The following DNM3 variants were observed in gnomAD, a reference collection of about 807,000 sequenced individuals.
The protein encoded by DNM3 is dynamin-3.
A neutral mutation model predicts 101.6 loss-of-function variants in DNM3; 47 were observed. The observed-to-expected ratio is 0.46, with a 90% CI of 0.37 to 0.59. The LOEUF (loss-of-function observed/expected upper bound fraction) is 0.59. Among genes scored for constraint, DNM3 ranks in the 20% least tolerant of loss-of-function variants. The pLI is 0.00. For synonymous variants in DNM3, 385 were observed against 387.9 expected, an observed-to-expected ratio of 0.99 and a Z score of 0.09; for missense variants, 849 against 1,085.7, an observed-to-expected ratio of 0.78 and a Z score of 3.06.
intron 2 of DNM3, among the ~76,000 whole-genome samples, chr1:171,968,435 C>T (rs2043747536): frequency 6.6e-6 from 1 of 152,110 alleles, no homozygotes; most frequent in Non-Finnish European, 1.5e-5. Flanking sequence ...CAGAAATGGA[C>T]CAAGAAGGCA....
intron 15 of DNM3, among the ~76,000 whole-genome samples, chr1:172,286,068 T>TTTTA (rs1553222035): frequency 6.8e-6 from 1 of 147,490 alleles, no homozygotes; most frequent in African/African-American, 2.5e-5. Context: ...AGTGAGTTAT[T>TTTTA]TATATATATA....
intron 13 of DNM3, among the ~76,000 whole-genome samples, chr1:172,096,964 T>C (rs1156563716): frequency 6.6e-6 from 1 of 152,088 alleles, no homozygotes; most frequent in Non-Finnish European, 1.5e-5. Flanking sequence ...AGATTCAAAA[T>C]ATATTCAGAG....
At chr1:172,330,807 T>C (rs2066150802) in intron 17 of DNM3, among the ~76,000 whole-genome samples, 1 of 152,088 alleles carries the variant, frequency 6.6e-6, no homozygotes, top group South Asian at 2.1e-4. Context: ...AAGAAATAGA[T>C]TAAACTTTAC....
intron 18 of DNM3, among the ~76,000 whole-genome samples, chr1:172,385,116 C>T (rs2069114094): frequency 6.6e-6 from 1 of 152,210 alleles, no homozygotes; most frequent in South Asian, 2.1e-4. Context: ...CACATCCCAA[C>T]AGCACCAAGT....
chr1:172,014,904 A>G (rs1431762690), intron 4 of DNM3, among the ~76,000 whole-genome samples: 1 of 152,080 alleles, frequency 6.6e-6, no homozygotes, highest in Non-Finnish European at 1.5e-5. Flanking sequence ...GTTAACTTTT[A>G]GGAGTCTTTT....
chr1:171,936,637 A>T (rs185123935), intron 2 of DNM3, among the ~76,000 whole-genome samples: 1 of 152,118 alleles, frequency 6.6e-6, no homozygotes, highest in Non-Finnish European at 1.5e-5. Flanking sequence ...CCTTTCATGG[A>T]TGTTAAATGT....
intron 1 of DNM3, among the ~76,000 whole-genome samples, chr1:171,851,017 C>T (rs563982069): frequency 6.6e-6 from 1 of 152,270 alleles, no homozygotes; most frequent in South Asian, 2.1e-4. Flanking sequence ...CAGGTGGTCC[C>T]TGCATATTTG....
chr1:172,213,261 A>C (rs573741679), intron 14 of DNM3, among the ~76,000 whole-genome samples: 2 of 96,436 alleles, frequency 2.1e-5, no homozygotes, highest in South Asian at 5.6e-4. Context: ...TTACAGGCTG[A>C]TCTTGCTTTA....
rs146496358 is a variant in DNM3 at position 172,163,113 on chromosome 1, A to G, written c.1659+31825A>G. On this transcript the variant is annotated intron_variant, in intron 14 of 20. Transcript: ENST00000627582. ...ATATATGTTATGAAATGATGACCAC[A>G]GTCAAGTTAATTAACATGTACATCA... 1.6e-4 allele frequency among the ~76,000 whole-genome samples: 25 copies of G among 152,254 alleles called. No homozygotes were observed. The East Asian group carries it at 4.6e-3, about 28-fold the overall frequency.
chr1:171,886,063 A>T (rs1030266826), intron 1 of DNM3, among the ~76,000 whole-genome samples: 2 of 152,192 alleles, frequency 1.3e-5, no homozygotes, highest in Non-Finnish European at 1.5e-5. Flanking sequence ...GGAATCTTCC[A>T]TGGGAGCAAT....
chr1:172,406,775 G>T (rs187384503), intron 20 of DNM3, among the ~76,000 whole-genome samples: 1 of 151,774 alleles, frequency 6.6e-6, no homozygotes, highest in Admixed American at 6.6e-5. Flanking sequence ...CATTCAATTT[G>T]ATCAATATAG....
chr1:172,047,235 A>C (rs1022212701), intron 9 of DNM3, among the ~76,000 whole-genome samples: 10 of 152,158 alleles, frequency 6.6e-5, no homozygotes, highest in Non-Finnish European at 1.2e-4. Context: ...CTGAATGCTG[A>C]CTATGAGCAA....
At chr1:171,844,734 T>G (rs146407120) in intron 1 of DNM3, among the ~76,000 whole-genome samples, 1 of 152,192 alleles carries the variant, frequency 6.6e-6, no homozygotes, top group Non-Finnish European at 1.5e-5. Context: ...ATGCTGGCAA[T>G]GAGAGGCAGC....
At chr1:172,333,012 T>G (rs2066255979) in intron 17 of DNM3, among the ~76,000 whole-genome samples, 2 of 152,104 alleles carry the variant, frequency 1.3e-5, no homozygotes, top group South Asian at 4.1e-4. Flanking sequence ...AATAGAGAGC[T>G]GAGGACAAAA....
intron 2 of DNM3, among the ~76,000 whole-genome samples, chr1:171,963,573 C>G (rs1242552118): frequency 2.0e-5 from 3 of 152,052 alleles, no homozygotes; most frequent in African/African-American, 7.2e-5. Context: ...ATGTCCCACT[C>G]TGGTGATGCA....
chr1:171,951,015 A>G (rs1270291779), intron 2 of DNM3, among the ~76,000 whole-genome samples: 1 of 152,008 alleles, frequency 6.6e-6, no homozygotes, highest in South Asian at 2.1e-4. Context: ...TCGTCTGGTC[A>G]TGCTTTGATT....
intron 2 of DNM3, among the ~76,000 whole-genome samples, chr1:171,938,711 T>TA (rs1237911884): frequency 6.6e-6 from 1 of 152,170 alleles, no homozygotes; most frequent in Non-Finnish European, 1.5e-5. Flanking sequence ...GAGATGCAGA[T>TA]ACATCATACA....
At chr1:172,171,951 G>T (rs2058975992) in intron 14 of DNM3, among the ~76,000 whole-genome samples, 1 of 151,688 alleles carries the variant, frequency 6.6e-6, no homozygotes, top group Non-Finnish European at 1.5e-5. Context: ...CCAGTATGGA[G>T]GTTTGGGAGC....
chr1:171,971,930 G>A (rs2044023879), intron 2 of DNM3, among the ~76,000 whole-genome samples: 1 of 152,148 alleles, frequency 6.6e-6, no homozygotes. Flanking sequence ...GCTTCTAAAA[G>A]GAAAGTCTGA....
Sources: allele counts gnomAD v4.1 joint callset (sites outside exome capture counted in the v4.1 genomes callset), GRCh38; gene constraint gnomAD v4.1.1; transcripts MANE v1.5; gene names NCBI Gene and HGNC (gene_info 2026-07-23, HGNC 2026-07-21).